The following MLLT3 variants were observed in gnomAD, a reference collection of about 807,000 sequenced individuals.
The protein encoded by MLLT3 is protein AF-9.
In MLLT3, 4 loss-of-function variants were observed where a neutral mutation model predicts 53.2. The ratio of observed to expected loss-of-function variants is 0.08; its 90% confidence interval spans 0.04 to 0.17. MLLT3 has a LOEUF of 0.17. Ranked by LOEUF, MLLT3 falls within the 10% of genes least tolerant of loss-of-function variation. MLLT3 has a pLI of 1.00. For synonymous variants in MLLT3, 283 were observed against 230.6 expected, an observed-to-expected ratio of 1.23 and a Z score of -2.06; for missense variants, 569 against 684.0, an observed-to-expected ratio of 0.83 and a Z score of 1.87.
At chr9:20,399,270 C>T (rs1822397749) in intron 5 of MLLT3, among the ~76,000 whole-genome samples, 1 of 152,110 alleles carries the variant, frequency 6.6e-6, no homozygotes. Flanking sequence ...GACTCCTCGA[C>T]TAGACATGCA....
At chr9:20,591,233 GGAA>G (rs1294764800) in intron 2 of MLLT3, among the ~76,000 whole-genome samples, 4 of 152,130 alleles carry the variant, frequency 2.6e-5, no homozygotes, top group Non-Finnish European at 5.9e-5. Flanking sequence ...CTGACACTTA[GGAA>G]GAAGAGTAAG....
intron 5 of MLLT3, among the ~76,000 whole-genome samples, chr9:20,398,718 G>A (rs567654677): frequency 1.3e-5 from 2 of 152,132 alleles, no homozygotes; most frequent in African/African-American, 4.8e-5. Flanking sequence ...TTCTTTCACT[G>A]CAACATCCTG....
intron 2 of MLLT3, among the ~76,000 whole-genome samples, chr9:20,615,706 T>C (rs1056324831): frequency 1.3e-5 from 2 of 151,872 alleles, no homozygotes; most frequent in African/African-American, 4.8e-5. Context: ...TGACGTTAAA[T>C]CTATATATAT....
At chr9:20,416,194 T>G (rs1267136625) in intron 4 of MLLT3, among the ~76,000 whole-genome samples, 4 of 152,032 alleles carry the variant, frequency 2.6e-5, no homozygotes, top group Non-Finnish European at 5.9e-5. Context: ...AACAACATTT[T>G]GAAATCTAAT....
intron 5 of MLLT3, among the ~76,000 whole-genome samples, chr9:20,389,538 G>A (rs1471883967): frequency 6.6e-6 from 1 of 152,150 alleles, no homozygotes; most frequent in Admixed American, 6.5e-5. Context: ...GCTTTGGGAG[G>A]CCAAGGTGGG....
At chr9:20,434,405 T>A (rs1166565405) in intron 4 of MLLT3, among the ~76,000 whole-genome samples, 3 of 152,206 alleles carry the variant, frequency 2.0e-5, no homozygotes, top group Non-Finnish European at 4.4e-5. Context: ...CAATTTTTTT[T>A]AAATTATAAA....
chr9:20,490,352 G>A (rs181310232), intron 2 of MLLT3, among the ~76,000 whole-genome samples: 13 of 152,322 alleles, frequency 8.5e-5, no homozygotes, highest in Admixed American at 4.6e-4. Flanking sequence ...GAGAGATGGC[G>A]TACAAGAGAG....
chr9:20,585,970 C>A (rs1029550125), intron 2 of MLLT3, among the ~76,000 whole-genome samples: 2 of 152,152 alleles, frequency 1.3e-5, no homozygotes, highest in African/African-American at 4.8e-5. Flanking sequence ...AGACCTGCAA[C>A]CATTATCTTT....
intron 2 of MLLT3, among the ~76,000 whole-genome samples, chr9:20,592,581 T>C (rs147881470): frequency 1.2e-3 from 190 of 152,324 alleles, no homozygotes; most frequent in African/African-American, 4.2e-3. Flanking sequence ...TACCTCCAAA[T>C]AGTCATTCTT....
At chr9:20,358,041 C>T (rs910966975) in intron 8 of MLLT3, among the ~76,000 whole-genome samples, 4 of 149,104 alleles carry the variant, frequency 2.7e-5, no homozygotes, top group Non-Finnish European at 5.9e-5. Context: ...AAAGTCATTC[C>T]AGAGTGAAAT....
intron 5 of MLLT3, among the ~76,000 whole-genome samples, chr9:20,382,714 C>T (rs1821936049): frequency 6.6e-6 from 1 of 151,892 alleles, no homozygotes; most frequent in Admixed American, 6.6e-5. Context: ...ATGTCAAATG[C>T]TTAACTACCT....
At chr9:20,375,591 A>ATTT (rs111532941) in intron 5 of MLLT3, among the ~76,000 whole-genome samples, 6 of 126,120 alleles carry the variant, frequency 4.8e-5, no homozygotes, top group African/African-American at 1.5e-4. Context: ...TATTTCAGTA[A>ATTT]TTTTTTTTTT....
rs369353127 is a variant in MLLT3 at position 20,620,861 on chromosome 9, C to T, written c.13-27G>A. ...TGCGGGCAGGGGGAGGAGAGACAGC[C>T]GTGAATAACAGGAAGGCGAGGTTTC... is the stretch of plus-strand genomic sequence containing the variant. On this transcript the variant is annotated intron_variant, in intron 1 of 10. Coordinates refer to ENST00000380338, the MANE Select transcript of MLLT3 (RefSeq NM_004529.4). This position sits in a 1 kb window ranked among gnomAD's most constrained non-coding sequence, Gnocchi z 6.1. 1.9e-6 allele frequency: 3 copies of T among 1,613,138 alleles called. No individual in the cohort carries two copies. The highest frequency in any genetic ancestry group is 1.3e-5 in the African/African-American group (1 of 75,028).
chr9:20,413,847 G>C lies in MLLT3; in HGVS notation c.999C>G (p.Val333=), dbSNP rs747640670. The change falls in exon 5 of 11, where the codon GTC becomes GTG. Residue 333 remains valine, a synonymous_variant. Transcript: ENST00000380338. The stretch of plus-strand genomic sequence containing the variant: ...TTTCAATTTTGACCTTTCCCATCTT[G>C]ACATGAGATTTATCTTTTATCTGTT... ...DKKQIKDKSH[V]KMGKVKIESE... The C allele has an allele frequency of 6.2e-7, 1 of 1,614,000 alleles. No homozygotes were observed. The highest frequency in any genetic ancestry group is 8.5e-7 in the Non-Finnish European group (1 of 1,179,994).
Position 20,515,772 on chromosome 9 carries a change from C to T in MLLT3, c.194-58986G>A, listed in dbSNP as rs551180725. On this transcript the variant is annotated intron_variant, in intron 2 of 10. Coordinates refer to ENST00000380338, the MANE Select transcript of MLLT3 (RefSeq NM_004529.4). ...TGGTTGCCATCAGCCGGAGTCATAA[C>T]AGGCAGCAGCCTCTTTTGAGGATCT... Among the ~76,000 whole-genome samples, 8 of 152,258 alleles carry T rather than the reference C, an allele frequency of 5.3e-5. No individual in the cohort carries two copies. The East Asian group carries it at 1.4e-3, about 26-fold the overall frequency.
intron 2 of MLLT3, among the ~76,000 whole-genome samples, chr9:20,579,184 A>T (rs1332435827): frequency 6.6e-6 from 1 of 152,144 alleles, no homozygotes; most frequent in African/African-American, 2.4e-5. Flanking sequence ...CCTGGGCAAC[A>T]CAGTGAGACT....
intron 2 of MLLT3, among the ~76,000 whole-genome samples, chr9:20,521,707 A>C (rs1442304444): frequency 6.6e-6 from 1 of 152,212 alleles, no homozygotes; most frequent in Non-Finnish European, 1.5e-5. Flanking sequence ...AATGCATGAA[A>C]AAGAAAATTC....
chr9:20,553,315 G>C (rs145500672), intron 2 of MLLT3, among the ~76,000 whole-genome samples: 1 of 152,308 alleles, frequency 6.6e-6, no homozygotes, highest in Non-Finnish European at 1.5e-5. Flanking sequence ...CTCTAGAAGA[G>C]CTTATATGCA....
At chr9:20,486,285 C>G (rs1824810160) in intron 2 of MLLT3, among the ~76,000 whole-genome samples, 1 of 151,956 alleles carries the variant, frequency 6.6e-6, no homozygotes, top group Non-Finnish European at 1.5e-5. Flanking sequence ...TTTCAAAATA[C>G]AACAGAACAA....
Sources: allele counts gnomAD v4.1 joint callset (sites outside exome capture counted in the v4.1 genomes callset), GRCh38; gene constraint gnomAD v4.1.1; non-coding constraint Gnocchi (gnomAD v3.1); transcripts MANE v1.5; gene names NCBI Gene and HGNC (gene_info 2026-07-23, HGNC 2026-07-21).